TMEM132D: variants seen among roughly 807,000 people sequenced by gnomAD.
TMEM132D encodes mature OL transmembrane protein.
Under a neutral mutation model 62.3 loss-of-function variants are expected in TMEM132D, and 21 were observed. The ratio of observed to expected loss-of-function variants is 0.34; its 90% CI spans 0.24 to 0.49. The LOEUF (loss-of-function observed/expected upper bound fraction) is 0.49, where lower values mean the gene tolerates loss of function less well. Among genes scored for constraint, TMEM132D ranks in the 20% least tolerant of loss-of-function variants. TMEM132D has a pLI of 0.99. For missense variants in TMEM132D, 1,346 were observed against 1,402.8 expected (o/e 0.96, Z 0.65); for synonymous variants, 621 against 575.6 (o/e 1.08, Z -1.13).
intron 3 of TMEM132D, among the ~76,000 whole-genome samples, chr12:129,346,056 T>A (rs1869677126): frequency 6.6e-6 from 1 of 152,166 alleles, no homozygotes; most frequent in African/African-American, 2.4e-5. Context: ...CGGCTGTGAA[T>A]CCATCTGGTC....
chr12:129,255,402 C>A, intron 4 of TMEM132D, among the ~76,000 whole-genome samples: 1 of 152,170 alleles, frequency 6.6e-6, no homozygotes, highest in East Asian at 1.9e-4. Context: ...CAAGGTTTGA[C>A]CCAGTGGCTG....
At chr12:129,428,687 G>A (rs1872565699) in intron 3 of TMEM132D, among the ~76,000 whole-genome samples, 1 of 152,196 alleles carries the variant, frequency 6.6e-6, no homozygotes, top group African/African-American at 2.4e-5. Flanking sequence ...TTGGCTTCCA[G>A]AGGCATTATG....
At chr12:129,401,273 G>A (rs1871613285) in intron 3 of TMEM132D, among the ~76,000 whole-genome samples, 1 of 152,236 alleles carries the variant, frequency 6.6e-6, no homozygotes, top group Admixed American at 6.5e-5. Flanking sequence ...GGCATAAGAT[G>A]TGGTTTATAA....
At chr12:129,424,140 T>G (rs896917701) in intron 3 of TMEM132D, among the ~76,000 whole-genome samples, 1 of 151,878 alleles carries the variant, frequency 6.6e-6, no homozygotes, top group Admixed American at 6.6e-5. Flanking sequence ...TCTAATGAAA[T>G]GTAGGAGCAT....
intron 1 of TMEM132D, among the ~76,000 whole-genome samples, chr12:129,875,248 A>G (rs1874377612): frequency 6.6e-6 from 1 of 152,198 alleles, no homozygotes; most frequent in Non-Finnish European, 1.5e-5. Flanking sequence ...GCCACATTGT[A>G]TTCACCCTGT....
At chr12:129,389,573 CA>C (rs1871240380) in intron 3 of TMEM132D, among the ~76,000 whole-genome samples, 1 of 151,390 alleles carries the variant, frequency 6.6e-6, no homozygotes, top group Admixed American at 6.6e-5. Flanking sequence ...ATACAAACAC[CA>C]ATACCAACAC....
At chr12:129,209,988 G>A (rs1021814605) in intron 4 of TMEM132D, 1 of 262,400 alleles carries the variant, frequency 3.8e-6, no homozygotes, top group Non-Finnish European at 7.3e-6. Flanking sequence ...ATATCGGCTC[G>A]TCAATCCTCA....
chr12:129,513,253 C>A (rs571721687), intron 3 of TMEM132D, among the ~76,000 whole-genome samples: 18 of 152,162 alleles, frequency 1.2e-4, no homozygotes, highest in Admixed American at 9.8e-4. Context: ...TTTGTAACAA[C>A]CCACTCTTAA....
chr12:129,628,421 G>C (rs370378997), intron 2 of TMEM132D, among the ~76,000 whole-genome samples: 1 of 152,196 alleles, frequency 6.6e-6, no homozygotes, highest in African/African-American at 2.4e-5. Flanking sequence ...GGGATGTCTC[G>C]GCAGGGGCGG....
chr12:129,542,547 C>T (rs1231715859), intron 2 of TMEM132D, among the ~76,000 whole-genome samples: 2 of 152,010 alleles, frequency 1.3e-5, no homozygotes, highest in Non-Finnish European at 2.9e-5. Flanking sequence ...AGAGAAGTTC[C>T]TCTTGCTACA....
At chr12:129,694,535 A>G (rs541945102) in intron 2 of TMEM132D, among the ~76,000 whole-genome samples, 1 of 152,314 alleles carries the variant, frequency 6.6e-6, no homozygotes, top group Admixed American at 6.5e-5. Flanking sequence ...CTAACTTCGG[A>G]GTATGCGCCT....
chr12:129,183,218 T>C (rs886421804), intron 5 of TMEM132D, among the ~76,000 whole-genome samples: 2 of 152,212 alleles, frequency 1.3e-5, no homozygotes, highest in Admixed American at 1.3e-4. Context: ...GCCTGGTTAG[T>C]CTGGAACAGC....
chr12:129,409,796 G>A (rs915349078), intron 3 of TMEM132D, among the ~76,000 whole-genome samples: 3 of 152,122 alleles, frequency 2.0e-5, no homozygotes, highest in South Asian at 2.1e-4. Flanking sequence ...CCTATTCCAG[G>A]GAGCGTAAAT....
In TMEM132D at chr12:129,700,178, G is replaced by A. The variant is rs530027335; in HGVS notation, c.600C>T (p.Ser200=). Residue 200 remains serine, a synonymous_variant, in exon 2 of 9, where the codon TCC becomes TCT. Coordinates refer to ENST00000422113, the MANE Select transcript of TMEM132D (RefSeq NM_133448.3). ...CCACCGTGGGGGGGCTGAACCAGCTGGACAGGAGCTCCAGCTCGGCCACGC... is the reference window on the plus strand; with the variant it reads ...CCACCGTGGGGGGGCTGAACCAGCTAGACAGGAGCTCCAGCTCGGCCACGC... The part of the protein sequence containing the change: ...GLCVAELELL[S]SWFSPPTVVA... 1.2e-6 allele frequency: 2 copies of A among 1,612,942 alleles called. No individual in the cohort carries two copies. The highest frequency in any genetic ancestry group is 2.2e-5 in the South Asian group (2 of 91,062).
At chr12:129,504,169 A>G (rs904230423) in intron 3 of TMEM132D, among the ~76,000 whole-genome samples, 2 of 151,896 alleles carry the variant, frequency 1.3e-5, no homozygotes, top group South Asian at 2.1e-4. Flanking sequence ...CACCATCACC[A>G]TCATCATCAT....
chr12:129,113,279 A>G (rs1166032323), intron 5 of TMEM132D: 1 of 152,208 alleles, frequency 6.6e-6, no homozygotes, highest in African/African-American at 2.4e-5. Flanking sequence ...CCAGCAATAA[A>G]GCCTTCTTCC....
At chr12:129,716,081 C>T (rs1593132339) in intron 1 of TMEM132D, among the ~76,000 whole-genome samples, 3 of 152,206 alleles carry the variant, frequency 2.0e-5, no homozygotes, top group East Asian at 3.8e-4. Context: ...CACTTTTTCA[C>T]GTGCATCGTC....
intron 3 of TMEM132D, among the ~76,000 whole-genome samples, chr12:129,352,531 C>T (rs771646423): frequency 7.3e-4 from 110 of 151,234 alleles, no homozygotes; most frequent in Non-Finnish European, 1.5e-3. Flanking sequence ...GTCTAATATC[C>T]AGAATCTACA....
chr12:129,227,402 G>A (rs1879511212), intron 4 of TMEM132D, among the ~76,000 whole-genome samples: 1 of 147,416 alleles, frequency 6.8e-6, no homozygotes, highest in African/African-American at 2.5e-5. Flanking sequence ...TGTGTTAGGA[G>A]AGGGGTTTGG....
Sources: allele counts gnomAD v4.1 joint callset (sites outside exome capture counted in the v4.1 genomes callset), GRCh38; gene constraint gnomAD v4.1.1; transcripts MANE v1.5; gene names NCBI Gene and HGNC (gene_info 2026-07-23, HGNC 2026-07-21).